DENND11: variants seen among roughly 807,000 people sequenced by gnomAD.
DENND11 encodes the protein DENN domain-containing protein 11.
In DENND11, 34 loss-of-function variants were observed where a neutral mutation model predicts 49.2. The ratio of observed to expected loss-of-function variants is 0.69; its 90% CI spans 0.53 to 0.92. DENND11 has a LOEUF of 0.92. Among genes scored for constraint, DENND11 ranks in the 40% least tolerant of loss-of-function variants. DENND11 has a pLI of 0.00. For missense variants in DENND11, 475 were observed against 581.6 expected, an observed-to-expected ratio of 0.82 and a Z score of 1.88; for synonymous variants, 238 against 230.3, an observed-to-expected ratio of 1.03 and a Z score of -0.30.
intron 3 of DENND11, among the ~76,000 whole-genome samples, chr7:141,675,271 C>T (rs2117061958): frequency 6.6e-6 from 1 of 152,270 alleles, no homozygotes; most frequent in South Asian, 2.1e-4. Flanking sequence ...CAGGGAGAGT[C>T]CTGGAACGGA....
chr7:141,671,479 T>C (rs142165383), intron 4 of DENND11, among the ~76,000 whole-genome samples: 2 of 151,754 alleles, frequency 1.3e-5, no homozygotes, highest in African/African-American at 4.8e-5. Flanking sequence ...GCCTGGCCGT[T>C]TTTTATTTTG....
At chr7:141,680,380 G>T (rs1312133883) in intron 3 of DENND11, among the ~76,000 whole-genome samples, 1 of 152,010 alleles carries the variant, frequency 6.6e-6, no homozygotes, top group Non-Finnish European at 1.5e-5. Context: ...CACACACTTT[G>T]GGATGATACA....
intron 2 of DENND11, 128 bp downstream of exon 2, chr7:141,686,431 T>C (rs1798243680): frequency 1.6e-6 from 1 of 642,598 alleles, no homozygotes; most frequent in African/African-American, 1.8e-5. Flanking sequence ...AACACAAAAC[T>C]ATCCATGTAT....
chr7:141,676,029 T>A (rs976641703), intron 3 of DENND11, among the ~76,000 whole-genome samples: 2 of 152,224 alleles, frequency 1.3e-5, no homozygotes, highest in African/African-American at 4.8e-5. Context: ...CTGACTATTC[T>A]GAGAAGATGG....
chr7:141,683,342 A>C (rs967517059), intron 3 of DENND11, among the ~76,000 whole-genome samples: 1 of 152,230 alleles, frequency 6.6e-6, no homozygotes, highest in Non-Finnish European at 1.5e-5. Context: ...TGAACTAATA[A>C]ATATTTGGCA....
At chr7:141,700,410 G>C (rs1015491522) in intron 1 of DENND11, among the ~76,000 whole-genome samples, 1 of 144,582 alleles carries the variant, frequency 6.9e-6, no homozygotes, top group African/African-American at 2.6e-5. Context: ...CATGTGTGAT[G>C]AACACTTAAA....
At chr7:141,685,425 G>A in intron 3 of DENND11, 53 bp downstream of exon 3, 1 of 1,600,292 alleles carries the variant, frequency 6.2e-7, no homozygotes, top group Non-Finnish European at 8.5e-7. Flanking sequence ...CGTGCCATAT[G>A]CACCAGCTGG....
chr7:141,662,710 C>T lies in DENND11; in HGVS notation c.1314G>A (p.Leu438=). The change falls in exon 9 of 9, where the codon CTG becomes CTA. Residue 438 remains leucine (L), a synonymous_variant. Coordinates refer to ENST00000536163, the MANE Select transcript of DENND11 (RefSeq NM_001080392.2). ...QGDRSFLLDL[L]EAYGIDVMLV... is the part of the protein sequence containing the mutation. ...GCATGACATCAATGCCATAGGCCTC[C>T]AGCAGGTCCAGGAGAAAGCTCCGGT... The T allele has an allele frequency of 6.2e-7, 1 of 1,609,684 alleles. No individual in the cohort carries two copies. The highest frequency in any genetic ancestry group is 8.5e-7 in the Non-Finnish European group (1 of 1,178,200).
chr7:141,685,617 A>G lies in DENND11; in HGVS notation c.388T>C (p.Phe130Leu). ...SDFIYFRKGP[F>L]FGLACFANMP... Reference sequence around the variant, plus strand: ...TTGGCAAAGCAGGCCAGGCCGAAGAAGGGCCCCTTTCGGAAATAGCTAGAA... The same window carrying G: ...TTGGCAAAGCAGGCCAGGCCGAAGAGGGGCCCCTTTCGGAAATAGCTAGAA... The change falls in exon 3 of 9, where the codon TTC becomes CTC. Residue 130 changes from phenylalanine to leucine, a missense_variant. Physicochemically the swap from Phe to Leu is conservative, Grantham distance 22. Transcript: ENST00000536163. The G allele has an allele frequency of 6.2e-7, 1 of 1,613,984 alleles. No homozygotes were observed. Among genetic ancestry groups the G allele is most frequent in the South Asian group, 1.1e-5 (1 of 91,084 alleles).
Position 141,674,117 on chromosome 7 carries a change from G to T in DENND11, c.631C>A (p.Pro211Thr). ...TGGATGGAAGGCAGCCAGTAGACAG[G>T]GGGCAGGCTGCTGCCTCTGCCGGGA... ...AGPGRGSSLP[P>T]VYWLPSIHRY... The change falls in exon 4 of 9, where the codon CCT becomes ACT. Residue 211 changes from proline (P) to threonine (T), a missense_variant. By Grantham distance (38) the Pro-to-Thr change is conservative (BLOSUM62 -1). Transcript: ENST00000536163. 1.9e-6 allele frequency: 3 copies of T among 1,600,120 alleles called. No individual in the cohort carries two copies. The highest frequency in any genetic ancestry group is 2.6e-6 in the Non-Finnish European group (3 of 1,173,538).
chr7:141,665,388 G>A (rs1797878415), intron 5 of DENND11, 70 bp from the exon 6 acceptor site: 4 of 1,584,424 alleles, frequency 2.5e-6, no homozygotes, highest in Non-Finnish European at 3.4e-6. Flanking sequence ...GGAGCCTGCG[G>A]CTCAACACCT....
At chr7:141,696,119 C>T (rs190175992) in intron 1 of DENND11, among the ~76,000 whole-genome samples, 1 of 152,326 alleles carries the variant, frequency 6.6e-6, no homozygotes, top group Non-Finnish European at 1.5e-5. Context: ...TGAGGATGTA[C>T]AGATGGTCTG....
chr7:141,692,274 C>T (rs577119199), intron 1 of DENND11, among the ~76,000 whole-genome samples: 3 of 152,098 alleles, frequency 2.0e-5, no homozygotes, highest in Non-Finnish European at 2.9e-5. Flanking sequence ...TTGCGGATAT[C>T]GACAAGTTAA....
At chr7:141,685,007 T>A (rs1472551017) in intron 3 of DENND11, among the ~76,000 whole-genome samples, 1 of 85,616 alleles carries the variant, frequency 1.2e-5, no homozygotes, top group Non-Finnish European at 2.2e-5. Flanking sequence ...AGAGCCTGTC[T>A]CTACCAAAAA....
Position 141,658,073 on chromosome 7 carries a change from A to G in DENND11, c.*4583T>C, listed in dbSNP as rs894133340. 1.3e-5 allele frequency: 2 copies of G among 152,216 alleles called. No individual in the cohort carries two copies. Among genetic ancestry groups the G allele is most frequent in the Non-Finnish European group, 2.9e-5 (2 of 68,048 alleles). 9.4% of individuals were successfully genotyped at this position (152,216 alleles called of 1,614,324 possible). On this transcript the variant is annotated 3_prime_UTR_variant, in exon 9 of 9. Coordinates refer to ENST00000536163, the MANE Select transcript of DENND11 (RefSeq NM_001080392.2). ...CTTATTCACTCTCCAAATTATTTAC[A>G]TAGTAAAACTTCTATGGGGTCTCAG...
Position 141,685,521 on chromosome 7 carries a change from T to G in DENND11, c.484A>C (p.Thr162Pro). 6.2e-7 allele frequency: 1 copy of G among 1,613,870 alleles called. No homozygotes were observed. Among genetic ancestry groups the G allele is most frequent in the Non-Finnish European group, 8.5e-7 (1 of 1,179,862 alleles). The stretch of plus-strand genomic sequence containing the variant: ...AAGTGCATGTAGCGGTAAAGCAGTG[T>G]GTAGGAGGGAGAGAGGATGCCCACA... ...KSVGILSPSY[T>P]LLYRYMHFLE... Residue 162 changes from threonine (T) to proline (P), a missense_variant, in exon 3 of 9, where the codon ACA becomes CCA. By Grantham distance (38) the Thr-to-Pro change is conservative. Coordinates refer to ENST00000536163, the MANE Select transcript of DENND11 (RefSeq NM_001080392.2).
chr7:141,684,286 G>T (rs1798195848), intron 3 of DENND11, among the ~76,000 whole-genome samples: 1 of 152,098 alleles, frequency 6.6e-6, no homozygotes, highest in Non-Finnish European at 1.5e-5. Context: ...ACACCATATT[G>T]TCACGTTTTT....
At chr7:141,685,348 A>T in intron 3 of DENND11, 130 bp downstream of exon 3, 1 of 1,173,348 alleles carries the variant, frequency 8.5e-7, no homozygotes. Flanking sequence ...GAGGCGTGAA[A>T]CATCGCCATG....
chr7:141,700,882 C>A (rs981715221), intron 1 of DENND11, among the ~76,000 whole-genome samples: 2 of 152,104 alleles, frequency 1.3e-5, no homozygotes, highest in African/African-American at 4.8e-5. Context: ...CAGAAAGCAG[C>A]CAATATTTTC....
Sources: gnomAD v4.1 joint callset for allele counts (sites outside exome capture counted in the v4.1 genomes callset) on GRCh38, gnomAD v4.1.1 for gene constraint, MANE v1.5 for transcripts, NCBI Gene and HGNC (gene_info 2026-07-23, HGNC 2026-07-21) for gene names.